The following TMEM200A variants were observed in gnomAD, a reference collection of about 807,000 sequenced individuals.
The protein encoded by TMEM200A is transmembrane protein 200A, also known as two transmembrane C.
In TMEM200A, 12 loss-of-function variants were observed where a neutral mutation model predicts 24.3. The observed-to-expected ratio is 0.49, with a 90% CI of 0.32 to 0.80. The LOEUF is 0.80. Among genes scored for constraint, TMEM200A ranks in the 30% least tolerant of loss-of-function variants. TMEM200A has a pLI of 0.04. For missense variants in TMEM200A, 545 were observed against 614.4 expected (o/e 0.89, Z 1.19); for synonymous variants, 224 against 224.4 (o/e 1.00, Z 0.02).
Position 130,441,344 on chromosome 6 carries a change from AT to A in TMEM200A, c.923del (p.Ile308ThrfsTer93). 1 of 1,614,166 alleles carries A rather than the reference AT, an allele frequency of 6.2e-7. No homozygotes were observed. Among genetic ancestry groups the A allele is most frequent in the Non-Finnish European group, 8.5e-7 (1 of 1,180,010 alleles). ...CVIDEPSIDN[I>X]TEDADNLKSR... is the part of the protein sequence containing the mutation. ...TATTGATGAGCCCAGTATAGATAACATCACTGAAGATGCTGACAACCTCAAA... is the reference window on the plus strand; with the variant it reads ...TATTGATGAGCCCAGTATAGATAACACACTGAAGATGCTGACAACCTCAAA... On this transcript the variant is annotated frameshift_variant, in exon 3 of 3. Transcript: ENST00000296978. LOFTEE classifies it high-confidence loss of function.
At chr6:130,434,670 C>A (rs1272646756) in intron 2 of TMEM200A, among the ~76,000 whole-genome samples, 1 of 151,886 alleles carries the variant, frequency 6.6e-6, no homozygotes, top group Non-Finnish European at 1.5e-5. Flanking sequence ...GAGAGGTAAG[C>A]CTGAAGATTA....
At chr6:130,381,017 A>G (rs987249566) in intron 1 of TMEM200A, among the ~76,000 whole-genome samples, 1 of 152,198 alleles carries the variant, frequency 6.6e-6, no homozygotes, top group Non-Finnish European at 1.5e-5. Flanking sequence ...TTCAGAAGTA[A>G]TTTTTAAAAT....
intron 2 of TMEM200A, among the ~76,000 whole-genome samples, chr6:130,434,345 A>G (rs1394246502): frequency 6.6e-6 from 1 of 152,242 alleles, no homozygotes. Context: ...TTTGATCTTC[A>G]GTAACATTCC....
chr6:130,420,609 G>A (rs997836151), intron 2 of TMEM200A, among the ~76,000 whole-genome samples: 2 of 152,142 alleles, frequency 1.3e-5, no homozygotes, highest in African/African-American at 2.4e-5. Flanking sequence ...TGTGACTTCA[G>A]TTGGCACTTT....
rs1449580488 is a variant in TMEM200A at position 130,442,381 on chromosome 6, A to G, written c.*483A>G. ...GTAGGATTTGGTTACATTATTTAAAATGAAAAAGATCTAGTTTTAGTGTGA... is the reference window on the plus strand; with the variant it reads ...GTAGGATTTGGTTACATTATTTAAAGTGAAAAAGATCTAGTTTTAGTGTGA... On this transcript the variant is annotated 3_prime_UTR_variant, in exon 3 of 3. Coordinates refer to ENST00000296978, the MANE Select transcript of TMEM200A (RefSeq NM_001258277.2). 1.2e-5 allele frequency: 2 copies of G among 166,294 alleles called. No homozygotes were observed. The highest frequency in any genetic ancestry group is 1.9e-4 in the East Asian group (1 of 5,208). The allele number at this position is 166,294 out of a possible 1,614,324, so 10.3% of individuals were successfully genotyped here.
At chr6:130,404,595 C>G (rs1055376776) in intron 2 of TMEM200A, among the ~76,000 whole-genome samples, 1 of 152,090 alleles carries the variant, frequency 6.6e-6, no homozygotes, top group African/African-American at 2.4e-5. Context: ...GCATAGTTTG[C>G]AAAAATTGTC....
intron 2 of TMEM200A, among the ~76,000 whole-genome samples, chr6:130,424,840 CAG>C (rs1779690903): frequency 1.3e-5 from 2 of 152,074 alleles, no homozygotes; most frequent in Non-Finnish European, 2.9e-5. Flanking sequence ...GCCTAAACCC[CAG>C]CCAGTCTGAA....
intron 1 of TMEM200A, chr6:130,381,932 T>C: frequency 1.0e-6 from 1 of 985,448 alleles, no homozygotes; most frequent in Non-Finnish European, 1.2e-6. Context: ...GGCTTCCTCT[T>C]CCGTTCACTC....
chr6:130,409,799 T>G (rs1010451064), intron 2 of TMEM200A, among the ~76,000 whole-genome samples: 1 of 151,942 alleles, frequency 6.6e-6, no homozygotes, highest in African/African-American at 2.4e-5. Context: ...TATGGAATAA[T>G]ATGGCCTTAT....
At chr6:130,387,493 G>A (rs998264249) in intron 2 of TMEM200A, among the ~76,000 whole-genome samples, 7 of 152,116 alleles carry the variant, frequency 4.6e-5, no homozygotes, top group East Asian at 1.9e-4. Flanking sequence ...GGCTGGTCTC[G>A]AACTCCTGAT....
rs1297560780 is a variant in TMEM200A at position 130,410,435 on chromosome 6, T to C, written c.-17+25199T>C. ...TTTCATGGTAATTGTGGGCATTTTC[T>C]AGACAGTTTTTATTTTAAGGGAATA... On this transcript the variant is annotated intron_variant, in intron 2 of 2. Coordinates refer to ENST00000296978, the MANE Select transcript of TMEM200A (RefSeq NM_001258277.2). 1.3e-5 allele frequency among the ~76,000 whole-genome samples: 2 copies of C among 152,236 alleles called. 1 individual carries two copies. The highest frequency in any genetic ancestry group is 2.9e-5 in the Non-Finnish European group (2 of 68,042).
chr6:130,426,786 G>A (rs1038117782), intron 2 of TMEM200A, among the ~76,000 whole-genome samples: 13 of 152,114 alleles, frequency 8.5e-5, no homozygotes, highest in African/African-American at 3.1e-4. Context: ...GCTGATTAAG[G>A]CTTACTTCTC....
intron 2 of TMEM200A, among the ~76,000 whole-genome samples, chr6:130,412,129 A>T (rs1779345412): frequency 7.1e-6 from 1 of 141,048 alleles, no homozygotes; most frequent in Non-Finnish European, 1.5e-5. Context: ...AATCGTTGTG[A>T]GCTCATCTTG....
intron 1 of TMEM200A, among the ~76,000 whole-genome samples, chr6:130,375,483 G>A (rs1295092485): frequency 6.6e-6 from 1 of 152,186 alleles, no homozygotes; most frequent in Non-Finnish European, 1.5e-5. Flanking sequence ...AAGTTATGGA[G>A]GAGCTTACAT....
chr6:130,426,159 A>C (rs1361495302), intron 2 of TMEM200A, among the ~76,000 whole-genome samples: 1 of 152,146 alleles, frequency 6.6e-6, no homozygotes, highest in Non-Finnish European at 1.5e-5. Context: ...GTAGGTTGAG[A>C]GTAGACAGGG....
chr6:130,391,985 C>T (rs1452089207), intron 2 of TMEM200A, among the ~76,000 whole-genome samples: 2 of 152,226 alleles, frequency 1.3e-5, no homozygotes, highest in Non-Finnish European at 2.9e-5. Context: ...CCTCGTGATC[C>T]TCCTGCCTTG....
At chr6:130,391,868 G>A (rs1778841529) in intron 2 of TMEM200A, among the ~76,000 whole-genome samples, 1 of 149,514 alleles carries the variant, frequency 6.7e-6, no homozygotes, top group South Asian at 2.1e-4. Context: ...TCAGCCTCCC[G>A]AGTAGCTGGG....
intron 2 of TMEM200A, among the ~76,000 whole-genome samples, chr6:130,404,261 C>T (rs534779336): frequency 1.3e-5 from 2 of 152,270 alleles, no homozygotes; most frequent in South Asian, 4.1e-4. Context: ...ACACTGTCTT[C>T]CACAGAGGAT....
In TMEM200A at chr6:130,366,146, C is replaced by G; in HGVS notation, c.-459C>G. Reference sequence around the variant, plus strand: ...CCGGCTTGCTGCGCCCGGTGCCCTCCGAGGGCAGGCGCGCCTGGACTCTGC... The same window carrying G: ...CCGGCTTGCTGCGCCCGGTGCCCTCGGAGGGCAGGCGCGCCTGGACTCTGC... On this transcript the variant is annotated 5_prime_UTR_variant, in exon 1 of 3. Coordinates refer to ENST00000296978, the MANE Select transcript of TMEM200A (RefSeq NM_001258277.2). This position sits in a 1 kb window ranked among gnomAD's most constrained non-coding sequence, Gnocchi z 4.4. 1.0e-6 allele frequency: 1 copy of G among 985,372 alleles called. No homozygotes were observed. 61.0% of individuals were successfully genotyped at this position (985,372 alleles called of 1,614,324 possible).
Sources: gnomAD v4.1 joint callset for allele counts (sites outside exome capture counted in the v4.1 genomes callset) on GRCh38, gnomAD v4.1.1 for gene constraint, Gnocchi (gnomAD v3.1) non-coding constraint, MANE v1.5 for transcripts, NCBI Gene and HGNC (gene_info 2026-07-23, HGNC 2026-07-21) for gene names.